Variants in MYO1D observed in about 807,000 individuals in gnomAD.
MYO1D encodes myosin ID.
In MYO1D, 83 loss-of-function variants were observed where a neutral mutation model predicts 122.0. The ratio of observed to expected loss-of-function variants is 0.68; its 90% confidence interval spans 0.57 to 0.82. MYO1D has a LOEUF of 0.82. MYO1D is among the 40% of genes least tolerant of loss of function. MYO1D has a pLI of 0.00. For synonymous variants in MYO1D, 464 were observed against 446.9 expected, an observed-to-expected ratio of 1.04 and a Z score of -0.48; for missense variants, 1,157 against 1,269.5, an observed-to-expected ratio of 0.91 and a Z score of 1.35.
At chr17:32,848,431 G>A (rs1011056239) in intron 1 of MYO1D, among the ~76,000 whole-genome samples, 1 of 152,142 alleles carries the variant, frequency 6.6e-6, no homozygotes, top group Non-Finnish European at 1.5e-5. Flanking sequence ...AAAGTACATG[G>A]GAGTTCCTGT....
chr17:32,541,070 A>G (rs1351710331), intron 21 of MYO1D, among the ~76,000 whole-genome samples: 1 of 152,206 alleles, frequency 6.6e-6, no homozygotes, highest in Non-Finnish European at 1.5e-5. Flanking sequence ...ATGGTTTACT[A>G]TATGACTCAA....
intron 8 of MYO1D, 39 bp downstream of exon 8, chr17:32,764,839 G>A (rs774766898): frequency 1.1e-5 from 18 of 1,601,460 alleles, no homozygotes; most frequent in South Asian, 3.3e-5. Context: ...TTGCAACTGC[G>A]ATCAACACCA....
At chr17:32,576,095 A>G (rs1362937246) in intron 21 of MYO1D, among the ~76,000 whole-genome samples, 1 of 152,208 alleles carries the variant, frequency 6.6e-6, no homozygotes, top group African/African-American at 2.4e-5. Context: ...AATCAGAGTA[A>G]AATTAGTTCA....
intron 21 of MYO1D, among the ~76,000 whole-genome samples, chr17:32,592,865 A>G (rs62068382): frequency 0.46 from 70,144 of 151,942 alleles, 16,728 homozygotes; most frequent in Middle Eastern, 0.58. Flanking sequence ...AAAAACCCCA[A>G]CAAAACAAAA....
intron 1 of MYO1D, among the ~76,000 whole-genome samples, chr17:32,795,251 A>C (rs1290932547): frequency 1.3e-5 from 2 of 152,176 alleles, no homozygotes; most frequent in East Asian, 1.9e-4. Context: ...AAAGTGAACA[A>C]CACCAAGGAT....
chr17:32,659,543 T>A (rs2088529255), intron 16 of MYO1D: 1 of 588,314 alleles, frequency 1.7e-6, no homozygotes, highest in Non-Finnish European at 3.0e-6. Flanking sequence ...GTTTCAGCTG[T>A]CTAGCTGCTC....
intron 21 of MYO1D, among the ~76,000 whole-genome samples, chr17:32,550,033 T>C (rs1017327445): frequency 3.3e-5 from 5 of 152,160 alleles, no homozygotes; most frequent in East Asian, 1.9e-4. Context: ...ATTAATAATA[T>C]GTTAGGTCAA....
Position 32,758,590 on chromosome 17 carries a change from T to C in MYO1D, c.1296+1700A>G, listed in dbSNP as rs575778177. 2.0e-5 allele frequency among the ~76,000 whole-genome samples: 3 copies of C among 152,300 alleles called. No homozygotes were observed. In the South Asian group the frequency reaches 6.2e-4, roughly 32 times the overall value. ...TCAAAATAATCTGGGAGTAGGTGGG[T>C]ATAGTACAGATGGCATAAGACTGGC... On this transcript the variant is annotated intron_variant, in intron 10 of 21. Transcript: ENST00000318217.
intron 1 of MYO1D, among the ~76,000 whole-genome samples, chr17:32,782,347 G>A (rs1039116018): frequency 6.6e-6 from 1 of 152,086 alleles, no homozygotes; most frequent in Non-Finnish European, 1.5e-5. Context: ...CACTGATTTC[G>A]AGTCCTTTAC....
intron 21 of MYO1D, among the ~76,000 whole-genome samples, chr17:32,573,749 T>C (rs1021090120): frequency 3.3e-5 from 5 of 152,230 alleles, no homozygotes; most frequent in Admixed American, 3.3e-4. Flanking sequence ...GGTCTTGAAC[T>C]CCTGGCCTCA....
chr17:32,675,932 C>A (rs1305105715), intron 16 of MYO1D, among the ~76,000 whole-genome samples: 1 of 152,114 alleles, frequency 6.6e-6, no homozygotes, highest in African/African-American at 2.4e-5. Flanking sequence ...CTTGATATAT[C>A]AGAAATATTT....
intron 21 of MYO1D, among the ~76,000 whole-genome samples, chr17:32,552,081 G>A (rs1381326276): frequency 1.3e-5 from 2 of 152,058 alleles, no homozygotes; most frequent in Admixed American, 1.3e-4. Context: ...ACTGTTTTTT[G>A]TTTTGTTTCG....
chr17:32,729,507 T>C (rs1383477635), intron 14 of MYO1D, among the ~76,000 whole-genome samples: 1 of 152,078 alleles, frequency 6.6e-6, no homozygotes, highest in African/African-American at 2.4e-5. Flanking sequence ...TTATCAATCT[T>C]CCTGATGAAG....
At chr17:32,501,136 G>A (rs898852429) in intron 21 of MYO1D, among the ~76,000 whole-genome samples, 1 of 152,086 alleles carries the variant, frequency 6.6e-6, no homozygotes, top group Non-Finnish European at 1.5e-5. Context: ...ACAGACAAAA[G>A]CTTATACATG....
intron 16 of MYO1D, among the ~76,000 whole-genome samples, chr17:32,670,277 T>C (rs1295972469): frequency 6.6e-6 from 1 of 152,176 alleles, no homozygotes; most frequent in African/African-American, 2.4e-5. Context: ...ATAATTATAC[T>C]ATAGTTACAG....
At chr17:32,578,448 C>T (rs1408466215) in intron 21 of MYO1D, among the ~76,000 whole-genome samples, 6 of 152,308 alleles carry the variant, frequency 3.9e-5, no homozygotes, top group African/African-American at 7.2e-5. Flanking sequence ...ACTAGCTGGC[C>T]GAGTTTAGGA....
intron 16 of MYO1D, among the ~76,000 whole-genome samples, chr17:32,663,066 T>C (rs952808200): frequency 2.0e-5 from 3 of 151,912 alleles, no homozygotes; most frequent in Non-Finnish European, 4.4e-5. Context: ...TATAGGCACC[T>C]GCCACCACGC....
At chr17:32,828,211 C>A (rs141677220) in intron 1 of MYO1D, among the ~76,000 whole-genome samples, 3 of 152,202 alleles carry the variant, frequency 2.0e-5, no homozygotes, top group Admixed American at 1.3e-4. Flanking sequence ...TGTTTTCTCC[C>A]GTGCTATCAG....
chr17:32,873,518 C>G (rs1261355521), intron 1 of MYO1D, among the ~76,000 whole-genome samples: 1 of 152,160 alleles, frequency 6.6e-6, no homozygotes, highest in Admixed American at 6.5e-5. Flanking sequence ...TGCCCAACCA[C>G]CAATATTCCA....
Sources: allele counts gnomAD v4.1 joint callset (sites outside exome capture counted in the v4.1 genomes callset), GRCh38; gene constraint gnomAD v4.1.1; transcripts MANE v1.5; gene names NCBI Gene and HGNC (gene_info 2026-07-23, HGNC 2026-07-21).